The following SLC25A13 variants were observed in gnomAD, a reference collection of about 807,000 sequenced individuals.
The protein encoded by SLC25A13 is solute carrier family 25 member 13.
A neutral mutation model predicts 85.5 loss-of-function variants in SLC25A13; 70 were observed. The observed-to-expected ratio is 0.82, with a 90% CI of 0.68 to 1.00. SLC25A13 has a LOEUF of 1.00. SLC25A13 is among the 50% of genes least tolerant of loss of function. SLC25A13 has a pLI of 0.00. For synonymous variants in SLC25A13, 259 were observed against 288.7 expected, an observed-to-expected ratio of 0.90 and a Z score of 1.04; for missense variants, 765 against 819.8, an observed-to-expected ratio of 0.93 and a Z score of 0.82.
intron 2 of SLC25A13, among the ~76,000 whole-genome samples, chr7:96,288,148 T>C (rs1388320217): frequency 6.6e-6 from 1 of 152,192 alleles, no homozygotes; most frequent in African/African-American, 2.4e-5. Flanking sequence ...TACTGTATTG[T>C]GGCCAGAAAT....
At chr7:96,261,209 G>A (rs1340633245) in intron 3 of SLC25A13, among the ~76,000 whole-genome samples, 2 of 151,896 alleles carry the variant, frequency 1.3e-5, no homozygotes, top group South Asian at 2.1e-4. Context: ...CCACTTTATC[G>A]ACCATAGCAC....
rs749493528 is a variant in SLC25A13, at chr7:96,219,748, T to G, written c.329-10771A>C. On this transcript the variant is annotated intron_variant, in intron 4 of 17. Coordinates refer to ENST00000265631, the MANE Select transcript of SLC25A13 (RefSeq NM_014251.3). ...CAATGAGAACCCATGGTCTACCTCATTGATAAGACTCCCTCCTCCTCTATA... is the reference window on the plus strand; with the variant it reads ...CAATGAGAACCCATGGTCTACCTCAGTGATAAGACTCCCTCCTCCTCTATA... The G allele has an allele frequency of 5.6e-6, 3 of 534,536 alleles. No individual in the cohort carries two copies. In the Admixed American group the frequency reaches 5.8e-5, roughly 10 times the overall value. 33.1% of individuals were successfully genotyped at this position (534,536 alleles called of 1,614,324 possible). A position where few individuals can be genotyped will look rare whatever the true frequency, so the allele number is the denominator to read the frequency against.
chr7:96,184,624 A>C, intron 10 of SLC25A13, 189 bp from the exon 11 acceptor site: 1 of 655,486 alleles, frequency 1.5e-6, no homozygotes, highest in South Asian at 1.9e-5. Flanking sequence ...AGTATCCCCT[A>C]ATAAAAGGAT....
intron 11 of SLC25A13, among the ~76,000 whole-genome samples, chr7:96,173,862 C>T (rs1794107945): frequency 6.6e-6 from 1 of 152,098 alleles, no homozygotes; most frequent in South Asian, 2.1e-4. Context: ...TAGAGCTGGC[C>T]AATTAGGATG....
chr7:96,247,686 A>G (rs1797252540), intron 3 of SLC25A13, among the ~76,000 whole-genome samples: 1 of 152,164 alleles, frequency 6.6e-6, no homozygotes, highest in Admixed American at 6.5e-5. Flanking sequence ...TCCATTGTGC[A>G]TTATCTAAAA....
At chr7:96,289,910 C>T (rs377619761) in intron 2 of SLC25A13, among the ~76,000 whole-genome samples, 8 of 152,002 alleles carry the variant, frequency 5.3e-5, no homozygotes, top group East Asian at 1.9e-4. Flanking sequence ...ATACAAAGAA[C>T]GCCACAAAGA....
At chr7:96,163,982 T>C (rs1342990009) in intron 13 of SLC25A13, among the ~76,000 whole-genome samples, 1 of 152,192 alleles carries the variant, frequency 6.6e-6, no homozygotes, top group African/African-American at 2.4e-5. Flanking sequence ...GATTTAATTC[T>C]TTCATACATA....
At chr7:96,167,732 C>A (rs11979725) in intron 13 of SLC25A13, among the ~76,000 whole-genome samples, 1 of 152,156 alleles carries the variant, frequency 6.6e-6, no homozygotes. Flanking sequence ...CAACAACCCT[C>A]TAAGGTGTGT....
intron 1 of SLC25A13, among the ~76,000 whole-genome samples, chr7:96,316,232 T>C (rs1241841525): frequency 6.6e-6 from 1 of 152,200 alleles, no homozygotes; most frequent in Non-Finnish European, 1.5e-5. Flanking sequence ...AACCAATAAA[T>C]CATATGCTTT....
chr7:96,128,073 A>T (rs1791805940), intron 15 of SLC25A13, among the ~76,000 whole-genome samples: 1 of 152,178 alleles, frequency 6.6e-6, no homozygotes, highest in African/African-American at 2.4e-5. Context: ...GCTCTGCCTG[A>T]GCATCTCAGC....
intron 11 of SLC25A13, among the ~76,000 whole-genome samples, chr7:96,174,171 C>T (rs1291545320): frequency 2.0e-5 from 3 of 152,226 alleles, no homozygotes; most frequent in Non-Finnish European, 4.4e-5. Context: ...GGCCAGCCTC[C>T]AGTGCAGCTC....
chr7:96,322,071 C>A lies in SLC25A13; in HGVS notation c.-115G>T, dbSNP rs543933601. 1,484 of 1,406,470 alleles carry A rather than the reference C, an allele frequency of 1.1e-3. 4 individuals carry two copies. Among genetic ancestry groups the A allele is most frequent in the Non-Finnish European group, 1.4e-3 (1,425 of 1,035,474 alleles). 87.1% of individuals were successfully genotyped at this position (1,406,470 alleles called of 1,614,324 possible). ...GGCGGCGGTGGGGGCGGCGATACGG[C>A]CAGGCAGCGTGCGTTCCTGGCCTGC... is the stretch of plus-strand genomic sequence containing the variant. On this transcript the variant is annotated 5_prime_UTR_variant, in exon 1 of 18. Transcript: ENST00000265631.
intron 2 of SLC25A13, chr7:96,283,252 G>C (rs1422403552): frequency 5.4e-6 from 1 of 184,298 alleles, no homozygotes; most frequent in African/African-American, 2.4e-5. Context: ...AATAAGTTAG[G>C]GCAAAACAGA....
chr7:96,266,855 G>T (rs1267524924), intron 3 of SLC25A13, among the ~76,000 whole-genome samples: 1 of 152,126 alleles, frequency 6.6e-6, no homozygotes, highest in Non-Finnish European at 1.5e-5. Flanking sequence ...CTGATTCAAT[G>T]AGAGCTGTTA....
chr7:96,226,437 C>T (rs776640258), intron 4 of SLC25A13, among the ~76,000 whole-genome samples: 21 of 152,064 alleles, frequency 1.4e-4, no homozygotes, highest in Non-Finnish European at 2.2e-4. Context: ...TTGGCTGTTG[C>T]GAACAGTGCT....
chr7:96,141,107 C>T (rs372436673), intron 14 of SLC25A13, among the ~76,000 whole-genome samples: 4 of 150,084 alleles, frequency 2.7e-5, no homozygotes, highest in East Asian at 2.0e-4. Flanking sequence ...ACCGCAGCCT[C>T]GAACTCCTGG....
chr7:96,242,730 T>C (rs1797041054), intron 3 of SLC25A13, among the ~76,000 whole-genome samples: 1 of 152,238 alleles, frequency 6.6e-6, no homozygotes, highest in Non-Finnish European at 1.5e-5. Context: ...AATGTTTAAC[T>C]CTACCTATAA....
rs575747259 is a variant in SLC25A13 at position 96,261,576 on chromosome 7, C to T, written c.212+15620G>A. Reference sequence around the variant, plus strand: ...ACATCAGATTGCAAGAGAAGTCTTACTTTACTCTCAAAAACCTTCATTAAA... The same window carrying T: ...ACATCAGATTGCAAGAGAAGTCTTATTTTACTCTCAAAAACCTTCATTAAA... On this transcript the variant is annotated intron_variant, in intron 3 of 17. Coordinates refer to ENST00000265631, the MANE Select transcript of SLC25A13 (RefSeq NM_014251.3). Among the ~76,000 whole-genome samples, 34 of 152,280 alleles carry T rather than the reference C, an allele frequency of 2.2e-4. No homozygotes were observed. In the South Asian group the frequency reaches 4.4e-3, roughly 19 times the overall value.
chr7:96,218,232 T>G (rs1795973285), intron 4 of SLC25A13, among the ~76,000 whole-genome samples: 2 of 152,216 alleles, frequency 1.3e-5, no homozygotes, highest in African/African-American at 4.8e-5. Flanking sequence ...GCAATAATTT[T>G]CCTCAAATAT....
Sources: gnomAD v4.1 joint callset for allele counts (sites outside exome capture counted in the v4.1 genomes callset) on GRCh38, gnomAD v4.1.1 for gene constraint, MANE v1.5 for transcripts, NCBI Gene and HGNC (gene_info 2026-07-23, HGNC 2026-07-21) for gene names.